Variants in PGR observed in about 807,000 individuals in gnomAD.
PGR encodes the protein progesterone receptor, also known as nuclear receptor subfamily 3 group C member 3.
In PGR, 25 loss-of-function variants were observed where a neutral mutation model predicts 76.1. The ratio of observed to expected loss-of-function variants is 0.33; its 90% CI spans 0.24 to 0.46. PGR has a LOEUF of 0.46. Ranked by LOEUF, PGR falls within the 20% of genes least tolerant of loss-of-function variation. The pLI is 1.00. For missense variants in PGR, 1,172 were observed against 1,225.3 expected (o/e 0.96, Z 0.65); for synonymous variants, 579 against 535.0 (o/e 1.08, Z -1.14).
At position 101,030,814 on chromosome 11, in the gene PGR, A is replaced by T. The variant is rs1020642331; in HGVS notation, c.*8302T>A. 24 of 197,002 alleles carry T rather than the reference A, an allele frequency of 1.2e-4. No individual in the cohort carries two copies. The highest frequency in any genetic ancestry group is 2.4e-4 in the Admixed American group (4 of 16,474). 12.2% of individuals were successfully genotyped at this position (197,002 alleles called of 1,614,324 possible). ...CAAAAGCTACTAGGACTAGATGAGA[A>T]CTCATTCTAAAACCTGACAGAAGCC... On this transcript the variant is annotated 3_prime_UTR_variant, in exon 8 of 8. Coordinates refer to ENST00000325455, the MANE Select transcript of PGR (RefSeq NM_000926.4).
intron 2 of PGR, among the ~76,000 whole-genome samples, chr11:101,109,817 T>G (rs985846210): frequency 6.6e-6 from 1 of 152,222 alleles, no homozygotes; most frequent in Non-Finnish European, 1.5e-5. Flanking sequence ...CTTTCAGAGC[T>G]AGATAGGAGA....
rs373761486 is a variant in PGR, at chr11:101,083,512, C to G, written c.1906+8248G>C. ...CTGGAATACCTGCAGGCATTCAATG[C>G]CAGCCTGTAAAAGCAGCTGTGGGGG... is the stretch of plus-strand genomic sequence containing the variant. On this transcript the variant is annotated intron_variant, in intron 3 of 7. Coordinates refer to ENST00000325455, the MANE Select transcript of PGR (RefSeq NM_000926.4). 1.9e-4 allele frequency among the ~76,000 whole-genome samples: 29 copies of G among 152,326 alleles called. 1 individual carries two copies. Among genetic ancestry groups the G allele is most frequent in the African/African-American group, 6.3e-4 (26 of 41,576 alleles).
At chr11:101,050,991 T>C (rs898229740) in intron 5 of PGR, 1 of 220,892 alleles carries the variant, frequency 4.5e-6, no homozygotes, top group Non-Finnish European at 9.1e-6. Context: ...AGGTAGAAAA[T>C]TAATTAAAAT....
chr11:101,111,534 C>G (rs766134520), intron 2 of PGR, among the ~76,000 whole-genome samples: 9 of 152,162 alleles, frequency 5.9e-5, no homozygotes, highest in Non-Finnish European at 1.2e-4. Context: ...CTGAGCCAAG[C>G]AGAACTTTAA....
chr11:101,084,055 A>G (rs1049347366), intron 3 of PGR, among the ~76,000 whole-genome samples: 1 of 152,096 alleles, frequency 6.6e-6, no homozygotes, highest in African/African-American at 2.4e-5. Context: ...GTAGGAGGTT[A>G]TTGGATCATG....
At chr11:101,112,611 G>C (rs1862378279) in intron 2 of PGR, among the ~76,000 whole-genome samples, 1 of 152,214 alleles carries the variant, frequency 6.6e-6, no homozygotes, top group South Asian at 2.1e-4. Context: ...GCTGAGAAGA[G>C]AAGGTGGAAG....
At chr11:101,051,243 A>G (rs1860077479) in intron 5 of PGR, among the ~76,000 whole-genome samples, 181 bp downstream of exon 5, 1 of 152,168 alleles carries the variant, frequency 6.6e-6, no homozygotes, top group Non-Finnish European at 1.5e-5. Context: ...AGAAAATTGG[A>G]TTTGATATAA....
At chr11:101,123,672 A>T (rs1226869239) in intron 2 of PGR, among the ~76,000 whole-genome samples, 1 of 152,192 alleles carries the variant, frequency 6.6e-6, no homozygotes, top group East Asian at 1.9e-4. Flanking sequence ...TTACTAATCA[A>T]ATGTTCATAT....
Position 101,128,265 on chromosome 11 carries a change from G to C in PGR, c.806C>G (p.Pro269Arg), listed in dbSNP as rs1862951024. The change falls in exon 1 of 8, where the codon CCC becomes CGC. Residue 269 changes from proline to arginine, a missense_variant. Coordinates refer to ENST00000325455, the MANE Select transcript of PGR (RefSeq NM_000926.4). ...CGCTGAGAAGCGGGAATCTTCCTTG[G>C]GGACCAGGGCGACGCCTCCTGCTGC... ...GAAAGGVALV[P>R]KEDSRFSAPR... 1.9e-6 allele frequency: 3 copies of C among 1,593,254 alleles called. No homozygotes were observed. Among genetic ancestry groups the C allele is most frequent in the Non-Finnish European group, 2.6e-6 (3 of 1,176,428 alleles).
intron 3 of PGR, among the ~76,000 whole-genome samples, chr11:101,075,781 C>A (rs1861105301): frequency 6.6e-6 from 1 of 152,076 alleles, no homozygotes; most frequent in Non-Finnish European, 1.5e-5. Context: ...CCATTTCATG[C>A]CAGTTAGAAT....
intron 3 of PGR, among the ~76,000 whole-genome samples, chr11:101,083,242 G>C (rs1861369590): frequency 6.6e-6 from 1 of 152,196 alleles, no homozygotes; most frequent in Non-Finnish European, 1.5e-5. Context: ...CAAGAGTTGA[G>C]GTTTGGAAAC....
chr11:101,122,998 T>C (rs897573940), intron 2 of PGR, among the ~76,000 whole-genome samples: 4 of 152,196 alleles, frequency 2.6e-5, no homozygotes, highest in African/African-American at 9.7e-5. Flanking sequence ...CTTCTAACCC[T>C]CTATTGTTTT....
chr11:101,087,110 G>A (rs543676150), intron 3 of PGR, among the ~76,000 whole-genome samples: 2 of 152,128 alleles, frequency 1.3e-5, no homozygotes, highest in South Asian at 4.2e-4. Context: ...AAAATCAAAA[G>A]AGCCCAAATA....
At chr11:101,122,923 T>G (rs1862724356) in intron 2 of PGR, among the ~76,000 whole-genome samples, 2 of 152,222 alleles carry the variant, frequency 1.3e-5, no homozygotes, top group Non-Finnish European at 1.5e-5. Context: ...ACCCCTGCTC[T>G]TGCATTCTCC....
intron 6 of PGR, 43 bp downstream of exon 6, chr11:101,049,886 A>C (rs554553466): frequency 1.3e-6 from 2 of 1,539,164 alleles, no homozygotes; most frequent in South Asian, 2.2e-5. Flanking sequence ...CTAATGAATT[A>C]AGAAACTAGA....
Position 101,034,361 on chromosome 11 carries a change from T to C in PGR, c.*4755A>G. The stretch of plus-strand genomic sequence containing the variant: ...GGGCGCAGCCCCTGTGCCTGTGACC[T>C]GAGCTCTGCCTTGGAATGAGGTCAA... On this transcript the variant is annotated 3_prime_UTR_variant, in exon 8 of 8. Coordinates refer to ENST00000325455, the MANE Select transcript of PGR (RefSeq NM_000926.4). 1 of 211,778 alleles carries C rather than the reference T, an allele frequency of 4.7e-6. No homozygotes were observed. Among genetic ancestry groups the C allele is most frequent in the Non-Finnish European group, 9.6e-6 (1 of 104,426 alleles). 13.1% of individuals were successfully genotyped at this position (211,778 alleles called of 1,614,324 possible).
intron 2 of PGR, among the ~76,000 whole-genome samples, chr11:101,095,369 C>T (rs1418507883): frequency 6.6e-6 from 1 of 152,130 alleles, no homozygotes; most frequent in African/African-American, 2.4e-5. Flanking sequence ...CTCAGATCTG[C>T]AACTTACTAT....
chr11:101,053,633 T>TTTCTTCCCTCCCCTTCTC (rs1860182251), intron 4 of PGR, among the ~76,000 whole-genome samples: 1 of 122,314 alleles, frequency 8.2e-6, no homozygotes, highest in Non-Finnish European at 1.7e-5. Flanking sequence ...CCCTTCTTCC[T>TTTCTTCCCTCCCCTTCTC]CCTTTCTTCC....
intron 6 of PGR, 137 bp from the exon 7 acceptor site, chr11:101,042,239 GAT>G (rs1219119999): frequency 4.3e-5 from 33 of 769,634 alleles, no homozygotes; most frequent in Non-Finnish European, 8.4e-6. Context: ...ATAGGAAAGA[GAT>G]AGTGTTATTG....
Sources: allele counts gnomAD v4.1 joint callset (sites outside exome capture counted in the v4.1 genomes callset), GRCh38; gene constraint gnomAD v4.1.1; transcripts MANE v1.5; gene names NCBI Gene and HGNC (gene_info 2026-07-23, HGNC 2026-07-21).